ARFGEF1: variants seen among roughly 807,000 people sequenced by gnomAD.
The protein encoded by ARFGEF1 is ARF guanine nucleotide exchange factor 1, also known as brefeldin A-inhibited guanine nucleotide-exchange protein 1.
Under a neutral mutation model 231.0 loss-of-function variants are expected in ARFGEF1, and 42 were observed. The observed-to-expected ratio is 0.18, with a 90% CI of 0.14 to 0.24. ARFGEF1 has a LOEUF of 0.24. ARFGEF1 is among the 10% of genes least tolerant of loss of function. The pLI is 1.00. For missense variants in ARFGEF1, 1,345 were observed against 2,192.0 expected, an observed-to-expected ratio of 0.61 and a Z score of 7.72; for synonymous variants, 710 against 732.3, an observed-to-expected ratio of 0.97 and a Z score of 0.49.
chr8:67,229,890 G>A (rs1839499755), intron 23 of ARFGEF1, among the ~76,000 whole-genome samples: 1 of 152,012 alleles, frequency 6.6e-6, no homozygotes, highest in Non-Finnish European at 1.5e-5. Context: ...AAACAGTAGA[G>A]GGGTAAAGAA....
At chr8:67,285,954 G>A (rs1182329221) in intron 7 of ARFGEF1, among the ~76,000 whole-genome samples, 5 of 152,054 alleles carry the variant, frequency 3.3e-5, no homozygotes, top group African/African-American at 7.2e-5. Flanking sequence ...AAGCAAATAC[G>A]AGTGTACCCA....
chr8:67,185,717 C>T (rs1039962864), intron 5 of ARFGEF1, among the ~76,000 whole-genome samples: 2 of 152,038 alleles, frequency 1.3e-5, no homozygotes, highest in African/African-American at 4.8e-5. Context: ...AAAAGTAAAA[C>T]TTGCTGCTGC....
intron 1 of ARFGEF1, among the ~76,000 whole-genome samples, chr8:67,311,015 C>G: frequency 6.9e-6 from 1 of 145,542 alleles, no homozygotes; most frequent in Non-Finnish European, 1.5e-5. Flanking sequence ...GGCCAGCCGC[C>G]CCGTCTGGGA....
In ARFGEF1 at chr8:67,266,014, C is replaced by T. The variant is rs1401770345; in HGVS notation, c.2115G>A (p.Gly705=). 6.2e-7 allele frequency: 1 copy of T among 1,613,396 alleles called. No homozygotes were observed. Among genetic ancestry groups the T allele is most frequent in the South Asian group, 1.1e-5 (1 of 91,066 alleles). The change falls in exon 14 of 39, where the codon GGG becomes GGA. Residue 705 remains glycine (G), a synonymous_variant. Coordinates refer to ENST00000262215, the MANE Select transcript of ARFGEF1 (RefSeq NM_006421.5). ...LKQQKEIIEQ[G]IDLFNKKPKR... ...TAAGCTATGACACTTACAAATCTATCCCTTGTTCTATTATTTCTTTTTGTT... is the reference window on the plus strand; with the variant it reads ...TAAGCTATGACACTTACAAATCTATTCCTTGTTCTATTATTTCTTTTTGTT...
chr8:67,190,028 CA>C (rs1347447708), intron 5 of ARFGEF1, among the ~76,000 whole-genome samples: 1 of 152,104 alleles, frequency 6.6e-6, no homozygotes, highest in Admixed American at 6.5e-5. Flanking sequence ...GGTAGTTCCT[CA>C]AAATGCAGAG....
At chr8:67,253,355 A>G in intron 18 of ARFGEF1, 96 bp downstream of exon 18, 2 of 865,770 alleles carry the variant, frequency 2.3e-6, no homozygotes, top group Non-Finnish European at 3.3e-6. Flanking sequence ...GGGGACTATA[A>G]ATGCAAACCA....
chr8:67,239,228 G>A (rs1460122887), intron 20 of ARFGEF1, among the ~76,000 whole-genome samples: 1 of 151,748 alleles, frequency 6.6e-6, no homozygotes, highest in Non-Finnish European at 1.5e-5. Context: ...GGCTGGTCTC[G>A]AACTCCTGAT....
intron 17 of ARFGEF1, among the ~76,000 whole-genome samples, chr8:67,254,337 T>A (rs531612596): frequency 6.6e-6 from 1 of 152,352 alleles, no homozygotes; most frequent in Non-Finnish European, 1.5e-5. Flanking sequence ...AGAAGTCTTA[T>A]GTGATGTCTC....
At chr8:67,325,345 G>A (rs1031006016) in intron 1 of ARFGEF1, among the ~76,000 whole-genome samples, 1 of 152,034 alleles carries the variant, frequency 6.6e-6, no homozygotes, top group African/African-American at 2.4e-5. Flanking sequence ...TAAGGGCAAA[G>A]CAAAGGTTGT....
Position 67,287,836 on chromosome 8 carries a change from T to C in ARFGEF1, c.1027+119A>G. On this transcript the variant is annotated intron_variant, in intron 7 of 38. Coordinates refer to ENST00000262215, the MANE Select transcript of ARFGEF1 (RefSeq NM_006421.5). ...ATCCTAAATGTGGAATTTGTAACTT[T>C]CCATTGGTTGGCTCCAAACGTTTTA... The C allele has an allele frequency of 1.0e-5, 6 of 586,172 alleles. No individual in the cohort carries two copies. The East Asian group carries it at 2.0e-4, about 19-fold the overall frequency. 36.3% of individuals were successfully genotyped at this position (586,172 alleles called of 1,614,324 possible).
intron 14 of ARFGEF1, among the ~76,000 whole-genome samples, chr8:67,263,743 T>C (rs1453799462): frequency 6.6e-6 from 1 of 152,100 alleles, no homozygotes; most frequent in African/African-American, 2.4e-5. Context: ...CCCTAGAAGC[T>C]CTCACTGTAA....
At chr8:67,215,802 C>T (rs908659322) in intron 33 of ARFGEF1, among the ~76,000 whole-genome samples, 1 of 152,062 alleles carries the variant, frequency 6.6e-6, no homozygotes, top group African/African-American at 2.4e-5. Flanking sequence ...TTTAAGCCAC[C>T]AAGTTTGTGG....
intron 1 of ARFGEF1, among the ~76,000 whole-genome samples, chr8:67,332,776 T>C (rs1681195602): frequency 1.3e-5 from 2 of 152,140 alleles, no homozygotes; most frequent in African/African-American, 4.8e-5. Context: ...ACTGACACAT[T>C]AGGCCAAAAA....
intron 1 of ARFGEF1, among the ~76,000 whole-genome samples, chr8:67,309,826 C>T (rs1215537158): frequency 2.6e-5 from 4 of 152,260 alleles, no homozygotes; most frequent in South Asian, 4.2e-4. Context: ...AACCACTATC[C>T]TGGATCCCAG....
intron 1 of ARFGEF1, among the ~76,000 whole-genome samples, chr8:67,321,307 T>C (rs1807580821): frequency 6.6e-6 from 1 of 152,110 alleles, no homozygotes; most frequent in Admixed American, 6.5e-5. Flanking sequence ...AAAACAAAAA[T>C]ACAAAGCAAA....
At chr8:67,232,337 GTAAA>G (rs1472664864) in intron 23 of ARFGEF1, among the ~76,000 whole-genome samples, 1 of 151,994 alleles carries the variant, frequency 6.6e-6, no homozygotes, top group South Asian at 2.1e-4. Flanking sequence ...ATATTCTGTA[GTAAA>G]TAAAGCATAC....
chr8:67,260,027 G>T (rs969041930), intron 14 of ARFGEF1, 101 bp from the exon 15 acceptor site: 51 of 668,344 alleles, frequency 7.6e-5, no homozygotes, highest in African/African-American at 7.1e-4. Context: ...CCAGAAAATA[G>T]TAGCTTATTT....
intron 1 of ARFGEF1, among the ~76,000 whole-genome samples, chr8:67,311,377 C>A (rs1467295184): frequency 7.5e-6 from 1 of 132,574 alleles, no homozygotes; most frequent in Non-Finnish European, 1.6e-5. Context: ...AAGTGAGGAG[C>A]CCCTCTGCCC....
rs779019298 is a variant in ARFGEF1 at position 67,276,010 on chromosome 8, T to C, written c.1303A>G (p.Met435Val). 3.1e-6 allele frequency: 5 copies of C among 1,613,340 alleles called. No homozygotes were observed. Among genetic ancestry groups the C allele is most frequent in the Non-Finnish European group, 2.5e-6 (3 of 1,179,542 alleles). Residue 435 changes from methionine to valine, a missense_variant, in exon 9 of 39, where the codon ATG becomes GTG. Met to Val is a conservative substitution (Grantham distance 21). Around this residue, in one of 14 missense-constraint regions of ARFGEF1, gnomAD observed 141 missense variants for 259.9 expected, o/e 0.54. Transcript: ENST00000262215. ...LVFRSLCKLS[M>V]KPLSDGPPDP... The stretch of plus-strand genomic sequence containing the variant: ...GGTGGTCCATCTGACAGTGGTTTCA[T>C]TGACAGTTTACACAATGACCTGAAT...
Sources: allele counts gnomAD v4.1 joint callset (sites outside exome capture counted in the v4.1 genomes callset), GRCh38; gene constraint gnomAD v4.1.1; regional missense constraint gnomAD v4.1.1; transcripts MANE v1.5; gene names NCBI Gene and HGNC (gene_info 2026-07-23, HGNC 2026-07-21).